The following LGR4 variants were observed in gnomAD, a reference collection of about 807,000 sequenced individuals.
LGR4 encodes the protein leucine-rich repeat-containing G protein-coupled receptor 4.
LGR4 carries 44 observed loss-of-function variants against 84.8 expected under a neutral mutation model. That is an observed-to-expected ratio of 0.52 (90% CI 0.41 to 0.67). The LOEUF (loss-of-function observed/expected upper bound fraction) is 0.67, where lower values mean the gene tolerates loss of function less well. Ranked by LOEUF, LGR4 falls within the 30% of genes least tolerant of loss-of-function variation. LGR4 has a pLI of 0.00. For synonymous variants in LGR4, 429 were observed against 434.3 expected (o/e 0.99, Z 0.15); for missense variants, 1,032 against 1,131.4 (o/e 0.91, Z 1.26).
At chr11:27,376,659 C>T (rs1201482268) in intron 12 of LGR4, among the ~76,000 whole-genome samples, 2 of 152,056 alleles carry the variant, frequency 1.3e-5, no homozygotes, top group Non-Finnish European at 2.9e-5. Flanking sequence ...ATCTAAATTC[C>T]CCCATCAACC....
intron 1 of LGR4, among the ~76,000 whole-genome samples, chr11:27,419,259 G>A (rs1361898926): frequency 6.6e-6 from 1 of 152,016 alleles, no homozygotes; most frequent in Admixed American, 6.6e-5. Flanking sequence ...TTTAAGATTT[G>A]AACAGATACT....
intron 1 of LGR4, among the ~76,000 whole-genome samples, chr11:27,467,001 G>C (rs1017038484): frequency 7.5e-6 from 1 of 133,652 alleles, no homozygotes; most frequent in African/African-American, 2.8e-5. Flanking sequence ...AGCCAGGCTG[G>C]TCTTGAATTC....
chr11:27,399,349 G>A (rs948104424), intron 2 of LGR4, among the ~76,000 whole-genome samples: 18 of 152,184 alleles, frequency 1.2e-4, no homozygotes, highest in African/African-American at 3.1e-4. Context: ...CCACAGTGCC[G>A]CATATGTGTA....
At chr11:27,437,041 C>T (rs1864224216) in intron 1 of LGR4, among the ~76,000 whole-genome samples, 1 of 152,088 alleles carries the variant, frequency 6.6e-6, no homozygotes, top group Admixed American at 6.5e-5. Flanking sequence ...TACTTTGGTT[C>T]TTCTGCTGTT....
At position 27,439,928 on chromosome 11, in the gene LGR4, C is replaced by T. The variant is rs571204363; in HGVS notation, c.186-27068G>A. On this transcript the variant is annotated intron_variant, in intron 1 of 17. Coordinates refer to ENST00000379214, the MANE Select transcript of LGR4 (RefSeq NM_018490.5). ...TTTTTTTTTTTTTTTTTTTTTGAGA[C>T]GGAGTCTCGCTCTGTTGCTCAGGCA... Among the ~76,000 whole-genome samples the T allele has an allele frequency of 4.1e-3, 500 of 120,678 alleles. 4 individuals are homozygous for T. The highest frequency in any genetic ancestry group is 0.016 in the African/African-American group (478 of 30,542). 79.2% of individuals were successfully genotyped at this position (120,678 alleles called of 152,430 possible).
At chr11:27,398,447 G>T (rs1246383149) in intron 2 of LGR4, among the ~76,000 whole-genome samples, 1 of 152,202 alleles carries the variant, frequency 6.6e-6, no homozygotes, top group Non-Finnish European at 1.5e-5. Flanking sequence ...GTCTATTACA[G>T]AAATTTCATT....
chr11:27,441,681 T>C (rs1054705449), intron 1 of LGR4, among the ~76,000 whole-genome samples: 38 of 152,158 alleles, frequency 2.5e-4, no homozygotes, highest in African/African-American at 8.0e-4. Context: ...CAGAGGGATT[T>C]AGCAGTTCTG....
At chr11:27,435,861 C>T (rs1864198178) in intron 1 of LGR4, among the ~76,000 whole-genome samples, 1 of 151,950 alleles carries the variant, frequency 6.6e-6, no homozygotes, top group Admixed American at 6.6e-5. Flanking sequence ...CACAATAATC[C>T]TAAGAGGTAG....
intron 1 of LGR4, among the ~76,000 whole-genome samples, chr11:27,431,236 T>C (rs866678708): frequency 1.3e-5 from 2 of 152,232 alleles, no homozygotes; most frequent in African/African-American, 2.4e-5. Flanking sequence ...GAGAATTTGA[T>C]AGAAAGGCAC....
At chr11:27,402,576 C>T (rs1863524271) in intron 2 of LGR4, among the ~76,000 whole-genome samples, 1 of 152,126 alleles carries the variant, frequency 6.6e-6, no homozygotes, top group South Asian at 2.1e-4. Flanking sequence ...ACCTTAACTG[C>T]CTAAATGATA....
chr11:27,423,985 G>A (rs551190232), intron 1 of LGR4, among the ~76,000 whole-genome samples: 31 of 152,182 alleles, frequency 2.0e-4, no homozygotes, highest in Non-Finnish European at 4.3e-4. Context: ...GCAGAACATA[G>A]TTTTCTGTCC....
chr11:27,385,170 C>T, intron 5 of LGR4, 83 bp downstream of exon 5: 1 of 1,019,942 alleles, frequency 9.8e-7, no homozygotes, highest in Non-Finnish European at 1.4e-6. Context: ...AGCGAGATGC[C>T]TTGATAATAA....
chr11:27,446,911 C>T (rs993445481), intron 1 of LGR4, among the ~76,000 whole-genome samples: 1 of 152,040 alleles, frequency 6.6e-6, no homozygotes, highest in African/African-American at 2.4e-5. Flanking sequence ...TGGAAACCAT[C>T]ATTCTGAGCA....
At chr11:27,392,879 C>T (rs1168914401) in intron 2 of LGR4, among the ~76,000 whole-genome samples, 1 of 152,084 alleles carries the variant, frequency 6.6e-6, no homozygotes, top group Non-Finnish European at 1.5e-5. Context: ...GGTCAGCAGG[C>T]AAGAGTGTTT....
intron 1 of LGR4, among the ~76,000 whole-genome samples, chr11:27,460,273 G>A (rs1864657641): frequency 1.3e-5 from 2 of 152,088 alleles, no homozygotes; most frequent in African/African-American, 2.4e-5. Flanking sequence ...TATATGCAAC[G>A]GAAACCTTTA....
At chr11:27,452,730 TCTC>T (rs1864505983) in intron 1 of LGR4, among the ~76,000 whole-genome samples, 1 of 148,800 alleles carries the variant, frequency 6.7e-6, no homozygotes. Context: ...TTCACACCAT[TCTC>T]CTGCCTCAGC....
chr11:27,416,901 C>T (rs1031189812), intron 1 of LGR4, among the ~76,000 whole-genome samples: 6 of 152,108 alleles, frequency 3.9e-5, no homozygotes, highest in Non-Finnish European at 8.8e-5. Context: ...AAAGTATCTA[C>T]AGAGTAAAGA....
At chr11:27,411,121 A>C (rs1236699870) in intron 2 of LGR4, among the ~76,000 whole-genome samples, 1 of 152,080 alleles carries the variant, frequency 6.6e-6, no homozygotes, top group Non-Finnish European at 1.5e-5. Flanking sequence ...GGCCTGGTAC[A>C]TTACCCATCC....
At chr11:27,376,232 A>C in intron 13 of LGR4, 67 bp downstream of exon 13, 1 of 908,332 alleles carries the variant, frequency 1.1e-6, no homozygotes, top group Non-Finnish European at 1.8e-6. Flanking sequence ...TAACATGGAA[A>C]TCATAACAAC....
Sources: gnomAD v4.1 joint callset for allele counts (sites outside exome capture counted in the v4.1 genomes callset) on GRCh38, gnomAD v4.1.1 for gene constraint, MANE v1.5 for transcripts, NCBI Gene and HGNC (gene_info 2026-07-23, HGNC 2026-07-21) for gene names.